Variants in SLC38A12 observed in about 807,000 individuals in gnomAD.
The protein encoded by SLC38A12 is putative sodium-coupled neutral amino acid transporter 12.
chr17:74,796,176 G>A, the SLC38A12 span, among the ~76,000 whole-genome samples: 3 of 152,176 alleles, frequency 2.0e-5, no homozygotes, highest in African/African-American at 7.2e-5. Flanking sequence ...GCCGTTGGTG[G>A]GGGGCAGGGA....
chr17:74,839,030 G>A, the SLC38A12 span: 57 of 1,535,698 alleles, frequency 3.7e-5, no homozygotes, highest in Admixed American at 5.9e-5. Context: ...AGATGCCCCC[G>A]GTGCAGGCCA....
chr17:74,828,653 C>G, the SLC38A12 span, among the ~76,000 whole-genome samples: 1 of 152,178 alleles, frequency 6.6e-6, no homozygotes, highest in Non-Finnish European at 1.5e-5. Context: ...CATAGCACCC[C>G]AGACCCAGCC....
At chr17:74,815,941 C>T in the SLC38A12 span, among the ~76,000 whole-genome samples, 1 of 152,162 alleles carries the variant, frequency 6.6e-6, no homozygotes, top group East Asian at 1.9e-4. Context: ...AAAGCCACGT[C>T]CTGTCCAGGA....
chr17:74,819,207 A>G, the SLC38A12 span, among the ~76,000 whole-genome samples: 5 of 152,192 alleles, frequency 3.3e-5, no homozygotes, highest in African/African-American at 1.2e-4. Flanking sequence ...CTCGAAGTCA[A>G]AAACGTGGCC....
chr17:74,822,052 CAGATTCCTCCCCGTGTCT>C, the SLC38A12 span, among the ~76,000 whole-genome samples: 1 of 152,180 alleles, frequency 6.6e-6, no homozygotes, highest in Non-Finnish European at 1.5e-5. Context: ...TTTAGGGTGA[CAGATTCCTCCCCGTGTCT>C]GGGGAGCAAT....
the SLC38A12 span, chr17:74,791,131 C>T: frequency 3.6e-6 from 4 of 1,112,232 alleles, no homozygotes; most frequent in South Asian, 1.3e-5. Context: ...ACCCTGACAG[C>T]CAGACCATGG....
the SLC38A12 span, among the ~76,000 whole-genome samples, chr17:74,797,312 G>A: frequency 6.6e-6 from 1 of 152,198 alleles, no homozygotes; most frequent in African/African-American, 2.4e-5. Context: ...CAGGAAAGCA[G>A]ACGGGCATTA....
the SLC38A12 span, chr17:74,839,052 G>T: frequency 1.3e-6 from 2 of 1,535,648 alleles, no homozygotes; most frequent in Non-Finnish European, 8.7e-7. Flanking sequence ...GTCAAGGTGG[G>T]AGTAAACTTT....
At chr17:74,816,454 C>T in the SLC38A12 span, among the ~76,000 whole-genome samples, 4 of 152,222 alleles carry the variant, frequency 2.6e-5, no homozygotes, top group Non-Finnish European at 5.9e-5. Flanking sequence ...TCTAAAAGAG[C>T]TGTGGCTGAG....
the SLC38A12 span, among the ~76,000 whole-genome samples, chr17:74,827,335 G>A: frequency 3.0e-4 from 43 of 144,464 alleles, no homozygotes; most frequent in East Asian, 2.0e-4. The surrounding 1 kb of genome is among the most constrained non-coding windows in gnomAD (Gnocchi z 4.7). Flanking sequence ...TCGCTCTGTC[G>A]CCCACACTGG....
the SLC38A12 span, chr17:74,788,946 T>G: frequency 1.5e-6 from 2 of 1,357,052 alleles, no homozygotes. Flanking sequence ...AGCAGCCCAT[T>G]CTTTTCCTCT....
At chr17:74,791,255 A>T in the SLC38A12 span, among the ~76,000 whole-genome samples, 1 of 152,184 alleles carries the variant, frequency 6.6e-6, no homozygotes, top group East Asian at 1.9e-4. Context: ...CCGCTTCTCT[A>T]GCGGAAGTCA....
the SLC38A12 span, among the ~76,000 whole-genome samples, chr17:74,810,806 T>C: frequency 6.6e-6 from 1 of 152,242 alleles, no homozygotes; most frequent in East Asian, 1.9e-4. Context: ...CTAGATGGCA[T>C]GGTGCCTCTC....
the SLC38A12 span, among the ~76,000 whole-genome samples, chr17:74,797,359 C>T: frequency 2.6e-5 from 4 of 152,134 alleles, no homozygotes; most frequent in African/African-American, 7.2e-5. Context: ...GCATTTATAA[C>T]TCATAGAGCT....
chr17:74,838,417 T>TA, the SLC38A12 span: 1 of 1,008,168 alleles, frequency 9.9e-7, no homozygotes, highest in Non-Finnish European at 1.2e-6. Flanking sequence ...CTTCTCCAAT[T>TA]ACGTTCCCTC....
the SLC38A12 span, among the ~76,000 whole-genome samples, chr17:74,789,845 CAAAA>C: frequency 4.2e-5 from 2 of 47,410 alleles, no homozygotes; most frequent in Non-Finnish European, 4.3e-5. Flanking sequence ...AACTTCGTCT[CAAAA>C]AAAAAAAAAA....
chr17:74,781,826 T>A, the SLC38A12 span, among the ~76,000 whole-genome samples: 1 of 152,206 alleles, frequency 6.6e-6, no homozygotes, highest in Admixed American at 6.5e-5. Flanking sequence ...CTCTTCGCAG[T>A]CTGACTGCAG....
chr17:74,799,350 C>T, the SLC38A12 span, among the ~76,000 whole-genome samples: 1 of 152,236 alleles, frequency 6.6e-6, no homozygotes, highest in African/African-American at 2.4e-5. Context: ...GCTGGAGACC[C>T]GGCCGCAAAC....
the SLC38A12 span, chr17:74,837,140 C>T: frequency 7.1e-6 from 7 of 989,124 alleles, no homozygotes; most frequent in Non-Finnish European, 8.4e-6. Flanking sequence ...CAGCTGCTGC[C>T]TCTTCAGAGG....
Sources: allele counts gnomAD v4.1 joint callset (sites outside exome capture counted in the v4.1 genomes callset), GRCh38; gene constraint gnomAD v4.1.1; non-coding constraint Gnocchi (gnomAD v3.1); transcripts MANE v1.5; gene names NCBI Gene and HGNC (gene_info 2026-07-23, HGNC 2026-07-21).